Variants in CHRNA2 observed in about 807,000 individuals in gnomAD.
CHRNA2 encodes the protein cholinergic receptor nicotinic alpha 2 subunit.
In CHRNA2, 40 loss-of-function variants were observed where a neutral mutation model predicts 45.5. That is an observed-to-expected ratio of 0.88 (90% CI 0.68 to 1.15). The LOEUF is 1.15. Among genes scored for constraint, CHRNA2 ranks in the 50% most tolerant of loss-of-function variants. The pLI, the probability that CHRNA2 is intolerant of heterozygous loss-of-function variation, is 0.00. For missense variants in CHRNA2, 655 were observed against 701.7 expected, an observed-to-expected ratio of 0.93 and a Z score of 0.75; for synonymous variants, 301 against 296.7, an observed-to-expected ratio of 1.01 and a Z score of -0.15.
rs753041128 is a variant in CHRNA2, at chr8:27,463,074, C to T, written c.1369G>A (p.Glu457Lys). 1 of 1,613,010 alleles carries T rather than the reference C, an allele frequency of 6.2e-7. No individual in the cohort carries two copies. The highest frequency in any genetic ancestry group is 1.1e-5 in the South Asian group (1 of 91,052). ...TGGGGTGATAGCAGCAGCTCACCCTCCTGCAGCAGAGCCTCAGCCTTGGGA... is the reference window on the plus strand; with the variant it reads ...TGGGGTGATAGCAGCAGCTCACCCTTCTGCAGCAGAGCCTCAGCCTTGGGA... The part of the protein sequence containing the change: ...SGPKAEALLQ[E>K]GELLLSPHMQ... Residue 457 changes from glutamate to lysine, a missense_variant, in exon 6 of 7, where the codon GAG becomes AAG. Coordinates refer to ENST00000407991, the MANE Select transcript of CHRNA2 (RefSeq NM_000742.4). This position sits in a 1 kb window ranked among gnomAD's most constrained non-coding sequence, Gnocchi z 6.1.
At chr8:27,469,514 A>G in intron 3 of CHRNA2, 135 bp from the exon 4 acceptor site, 1 of 990,072 alleles carries the variant, frequency 1.0e-6, no homozygotes, top group Non-Finnish European at 1.6e-6. Flanking sequence ...CCACTCTGAA[A>G]CCTGCCACCC....
intron 2 of CHRNA2, 103 bp from the exon 3 acceptor site, chr8:27,470,084 G>T: frequency 9.1e-7 from 1 of 1,100,760 alleles, no homozygotes; most frequent in African/African-American, 1.5e-5. Context: ...TGTTGAAGAT[G>T]GCAGATGATA....
intron 1 of CHRNA2, among the ~76,000 whole-genome samples, chr8:27,471,524 T>C (rs1306878693): frequency 6.6e-6 from 1 of 152,194 alleles, no homozygotes; most frequent in Admixed American, 6.5e-5. Flanking sequence ...AATAAAAGGA[T>C]CAGGGTACTA....
At chr8:27,467,442 T>C (rs908082104) in intron 4 of CHRNA2, 104 bp from the exon 5 acceptor site, 1 of 880,304 alleles carries the variant, frequency 1.1e-6, no homozygotes, top group Non-Finnish European at 1.8e-6. Flanking sequence ...GCAGCCCCCT[T>C]GGAGCAGCCA....
At chr8:27,469,567 A>G in intron 3 of CHRNA2, 188 bp from the exon 4 acceptor site, 1 of 868,292 alleles carries the variant, frequency 1.2e-6, no homozygotes. Flanking sequence ...GCTGCCAATC[A>G]ATGCCCTCCT....
chr8:27,461,969 C>T (rs986057733), intron 6 of CHRNA2, among the ~76,000 whole-genome samples: 3 of 152,202 alleles, frequency 2.0e-5, no homozygotes, highest in Non-Finnish European at 4.4e-5. Flanking sequence ...ATTCCCCTCC[C>T]ATCCCAGCCC....
chr8:27,465,391 A>G (rs990537471), intron 5 of CHRNA2, among the ~76,000 whole-genome samples: 1 of 152,178 alleles, frequency 6.6e-6, no homozygotes, highest in African/African-American at 2.4e-5. Flanking sequence ...GGCTGGAAAT[A>G]GGAACTTTGA....
intron 1 of CHRNA2, among the ~76,000 whole-genome samples, chr8:27,478,461 A>G (rs1813128130): frequency 1.3e-5 from 2 of 152,224 alleles, no homozygotes; most frequent in African/African-American, 4.8e-5. Context: ...TAAGTCAGTA[A>G]ATAGCATTGC....
chr8:27,471,408 C>T (rs372519845), intron 1 of CHRNA2, among the ~76,000 whole-genome samples: 4 of 152,268 alleles, frequency 2.6e-5, no homozygotes, highest in South Asian at 4.1e-4. Context: ...TAAGACCAGC[C>T]CTGACCTACT....
chr8:27,462,238 G>T (rs928430021), intron 6 of CHRNA2, among the ~76,000 whole-genome samples: 1 of 152,202 alleles, frequency 6.6e-6, no homozygotes, highest in Admixed American at 6.5e-5. Context: ...TAGAACTTGG[G>T]CTCACAGCCC....
intron 1 of CHRNA2, among the ~76,000 whole-genome samples, chr8:27,475,763 G>A (rs967151172): frequency 6.6e-6 from 1 of 152,148 alleles, no homozygotes; most frequent in African/African-American, 2.4e-5. Flanking sequence ...GTGTTCATCT[G>A]GAATCACCTT....
chr8:27,461,323 C>T lies in CHRNA2; in HGVS notation c.*306G>A. 1 of 404,074 alleles carries T rather than the reference C, an allele frequency of 2.5e-6. No individual in the cohort carries two copies. Among genetic ancestry groups the T allele is most frequent in the South Asian group, 2.8e-5 (1 of 35,998 alleles). 25.0% of individuals were successfully genotyped at this position (404,074 alleles called of 1,614,324 possible). On this transcript the variant is annotated 3_prime_UTR_variant, in exon 7 of 7. Transcript: ENST00000407991. ...GTCCCCCTGGTTGACCCTTCTGTCA[C>T]TTAGGGTCTGCACTGCTCCTCCAGG...
chr8:27,472,324 C>T (rs1300942156), intron 1 of CHRNA2, among the ~76,000 whole-genome samples: 1 of 152,116 alleles, frequency 6.6e-6, no homozygotes, highest in South Asian at 2.1e-4. Flanking sequence ...GACTTGTGAT[C>T]GGCATTGACA....
Position 27,463,927 on chromosome 8 carries a change from G to T in CHRNA2, c.516C>A (p.His172Gln), listed in dbSNP as rs1563319114. ...KAHLFSTGTV[H>Q]WVPPAIYKSS... Reference sequence around the variant, plus strand: ...TCTTGTAGATGGCCGGGGGCACCCAGTGCACAGTGCCCGTGGAGAAGAGGT... The same window carrying T: ...TCTTGTAGATGGCCGGGGGCACCCATTGCACAGTGCCCGTGGAGAAGAGGT... The change falls in exon 6 of 7, where the codon CAC becomes CAA. Residue 172 changes from histidine to glutamine, a missense_variant. By Grantham distance (24) the His-to-Gln change is conservative. Transcript: ENST00000407991. This position sits in a 1 kb window ranked among gnomAD's most constrained non-coding sequence, Gnocchi z 6.1. The T allele has an allele frequency of 6.2e-7, 1 of 1,614,248 alleles. No homozygotes were observed.
Position 27,461,174 on chromosome 8 carries a change from C to T in CHRNA2, c.*455G>A, listed in dbSNP as rs1812471873. ...CCTCACCTGGCTGTTCTCCCTGGCA[C>T]TTTGGGCTCATCTCCAAATCTAAAC... On this transcript the variant is annotated 3_prime_UTR_variant, in exon 7 of 7. Transcript: ENST00000407991. 1 of 196,336 alleles carries T rather than the reference C, an allele frequency of 5.1e-6. No individual in the cohort carries two copies. Among genetic ancestry groups the T allele is most frequent in the Non-Finnish European group, 1.1e-5 (1 of 93,282 alleles). The allele number at this position is 196,336 out of a possible 1,614,324, so 12.2% of individuals were successfully genotyped here.
chr8:27,472,108 C>T (rs1054568208), intron 1 of CHRNA2, among the ~76,000 whole-genome samples: 5 of 152,152 alleles, frequency 3.3e-5, no homozygotes, highest in South Asian at 4.1e-4. Context: ...ATGAGCCCAG[C>T]GAGGGCATGG....
intron 2 of CHRNA2, among the ~76,000 whole-genome samples, chr8:27,470,526 C>T (rs1024947225): frequency 5.9e-5 from 9 of 152,368 alleles, no homozygotes; most frequent in Admixed American, 5.2e-4. Flanking sequence ...GTTTCTATGG[C>T]ATCGCTCATG....
intron 1 of CHRNA2, among the ~76,000 whole-genome samples, chr8:27,471,674 T>C (rs1162724951): frequency 6.6e-6 from 1 of 152,226 alleles, no homozygotes; most frequent in East Asian, 1.9e-4. Flanking sequence ...TGACGCTTGC[T>C]ACAGCATGGA....
At chr8:27,472,472 A>G (rs1812918005) in intron 1 of CHRNA2, among the ~76,000 whole-genome samples, 1 of 152,210 alleles carries the variant, frequency 6.6e-6, no homozygotes, top group South Asian at 2.1e-4. Flanking sequence ...GGGTGAGGAG[A>G]AATCCCCACA....
Sources: allele counts gnomAD v4.1 joint callset (sites outside exome capture counted in the v4.1 genomes callset), GRCh38; gene constraint gnomAD v4.1.1; non-coding constraint Gnocchi (gnomAD v3.1); transcripts MANE v1.5; gene names NCBI Gene and HGNC (gene_info 2026-07-23, HGNC 2026-07-21).